The following ASAP2 variants were observed in gnomAD, a reference collection of about 807,000 sequenced individuals.
ASAP2 encodes the protein arf-GAP with SH3 domain, ANK repeat and PH domain-containing protein 2.
ASAP2 carries 45 observed loss-of-function variants against 131.4 expected under a neutral mutation model. The observed-to-expected ratio is 0.34, with a 90% CI of 0.27 to 0.44. The LOEUF (loss-of-function observed/expected upper bound fraction) is 0.44, where lower values mean the gene tolerates loss of function less well. Ranked by LOEUF, ASAP2 falls within the 20% of genes least tolerant of loss-of-function variation. The probability of loss-of-function intolerance (pLI) is 1.00; values close to 1 mark genes in which losing one functional copy is unlikely to be tolerated. For missense variants in ASAP2, 1,011 were observed against 1,297.0 expected, an observed-to-expected ratio of 0.78 and a Z score of 3.39; for synonymous variants, 510 against 503.0, an observed-to-expected ratio of 1.01 and a Z score of -0.19.
intron 2 of ASAP2, among the ~76,000 whole-genome samples, chr2:9,282,954 G>A (rs572575727): frequency 5.9e-5 from 9 of 152,168 alleles, no homozygotes; most frequent in South Asian, 2.1e-4. Flanking sequence ...GTCTGTAAAC[G>A]GACTCCCCCA....
At chr2:9,257,157 C>T (rs986554016) in intron 1 of ASAP2, among the ~76,000 whole-genome samples, 7 of 152,236 alleles carry the variant, frequency 4.6e-5, no homozygotes, top group Non-Finnish European at 1.0e-4. Context: ...ACGTGTCGGG[C>T]ATTCCACTGG....
intron 17 of ASAP2, among the ~76,000 whole-genome samples, chr2:9,375,926 A>C (rs1318611056): frequency 6.6e-6 from 1 of 152,150 alleles, no homozygotes; most frequent in Non-Finnish European, 1.5e-5. Flanking sequence ...AGCTGTCTTG[A>C]GAGGGTGGGC....
chr2:9,359,918 G>A (rs977420345), intron 15 of ASAP2, among the ~76,000 whole-genome samples: 18 of 152,190 alleles, frequency 1.2e-4, no homozygotes, highest in Non-Finnish European at 2.6e-4. Context: ...TTAAAACTAA[G>A]CTAGACTCAC....
intron 24 of ASAP2, 66 bp from the exon 25 acceptor site, chr2:9,399,957 A>G (rs1411350922): frequency 9.2e-6 from 14 of 1,515,590 alleles, no homozygotes; most frequent in Non-Finnish European, 1.3e-5. Context: ...TCTCTGATAA[A>G]AGGGGATGAG....
chr2:9,215,234 CTT>C (rs1324242846), intron 1 of ASAP2, among the ~76,000 whole-genome samples: 2 of 152,160 alleles, frequency 1.3e-5, no homozygotes, highest in East Asian at 1.9e-4. Flanking sequence ...AAAAATCCCT[CTT>C]ATAATCTTAT....
intron 17 of ASAP2, among the ~76,000 whole-genome samples, 161 bp downstream of exon 17, chr2:9,375,105 A>T (rs1294577338): frequency 8.5e-6 from 1 of 117,398 alleles, no homozygotes; most frequent in African/African-American, 5.2e-5. Context: ...CCCCATCTCT[A>T]CAAAAAAAAA....
At chr2:9,372,689 T>G (rs13397193) in intron 16 of ASAP2, among the ~76,000 whole-genome samples, 72 of 152,228 alleles carry the variant, frequency 4.7e-4, no homozygotes, top group African/African-American at 1.7e-3. Context: ...AGATAATGAT[T>G]CACCCACTTA....
In ASAP2 at chr2:9,353,428, G is replaced by A. The variant is rs139071135; in HGVS notation, c.1111+2533G>A. 3.7e-3 allele frequency among the ~76,000 whole-genome samples: 563 copies of A among 152,270 alleles called. 2 individuals carry two copies. The highest frequency in any genetic ancestry group is 6.0e-3 in the Non-Finnish European group (406 of 68,018). ...TAAAAATAGTGCAGTATGGTGACATGTGCCTTTGGTCCCAGCTACTCAGGG... is the reference window on the plus strand; with the variant it reads ...TAAAAATAGTGCAGTATGGTGACATATGCCTTTGGTCCCAGCTACTCAGGG... On this transcript the variant is annotated intron_variant, in intron 12 of 27. Transcript: ENST00000281419.
chr2:9,375,057 C>A, intron 17 of ASAP2, 113 bp downstream of exon 17: 1 of 898,380 alleles, frequency 1.1e-6, no homozygotes, highest in Non-Finnish European at 1.6e-6. Flanking sequence ...ATCCTTTGAG[C>A]TCAGGAGTTT....
chr2:9,402,069 C>T lies in ASAP2; in HGVS notation c.2946+673C>T, dbSNP rs530167968. Among the ~76,000 whole-genome samples the T allele has an allele frequency of 2.2e-4, 34 of 152,334 alleles. 1 individual carries two copies. The South Asian group carries it at 6.8e-3, about 31-fold the overall frequency. On this transcript the variant is annotated intron_variant, in intron 27 of 27. Coordinates refer to ENST00000281419, the MANE Select transcript of ASAP2 (RefSeq NM_003887.3). ...CAGGCTGAGCCCACCACACAGTAGA[C>T]GCAAGTGGCACAGCTCCGCAACTGA...
chr2:9,264,930 G>A (rs762354138), intron 1 of ASAP2, among the ~76,000 whole-genome samples: 3 of 152,174 alleles, frequency 2.0e-5, no homozygotes, highest in African/African-American at 7.2e-5. Context: ...CTTGAGCCCA[G>A]GAGTTTGAGA....
At chr2:9,299,814 A>G (rs1462383480) in intron 3 of ASAP2, among the ~76,000 whole-genome samples, 1 of 152,042 alleles carries the variant, frequency 6.6e-6, no homozygotes, top group Non-Finnish European at 1.5e-5. Flanking sequence ...GTGTGGATAG[A>G]TTATAGCCAG....
At chr2:9,331,768 C>A (rs370995133) in intron 7 of ASAP2, among the ~76,000 whole-genome samples, 13 of 147,674 alleles carry the variant, frequency 8.8e-5, no homozygotes, top group Non-Finnish European at 1.4e-4. Context: ...TTTTTTTTTT[C>A]AAAAAAAATA....
At chr2:9,378,694 G>A (rs189824300) in intron 18 of ASAP2, among the ~76,000 whole-genome samples, 63 of 152,300 alleles carry the variant, frequency 4.1e-4, no homozygotes, top group Admixed American at 9.8e-4. Flanking sequence ...CAACAGGGAT[G>A]CCCCCCTCCC....
intron 1 of ASAP2, among the ~76,000 whole-genome samples, chr2:9,270,842 G>C (rs1666322995): frequency 7.5e-6 from 1 of 133,074 alleles, no homozygotes; most frequent in Non-Finnish European, 1.6e-5. Flanking sequence ...GCCCAGGCTG[G>C]AGTGCAGTGG....
intron 1 of ASAP2, among the ~76,000 whole-genome samples, chr2:9,271,937 A>G (rs1197169625): frequency 6.6e-6 from 1 of 151,766 alleles, no homozygotes; most frequent in East Asian, 1.9e-4. Context: ...TAGGTACCAC[A>G]TTTTCTTTAT....
intron 1 of ASAP2, among the ~76,000 whole-genome samples, chr2:9,270,947 T>G: frequency 6.6e-6 from 1 of 150,842 alleles, no homozygotes; most frequent in East Asian, 1.9e-4. Context: ...TGCCCGCCAC[T>G]ACGCCCGGCT....
intron 15 of ASAP2, among the ~76,000 whole-genome samples, chr2:9,367,645 C>A (rs1374087746): frequency 6.6e-6 from 1 of 151,986 alleles, no homozygotes. Context: ...CCTATAGTCC[C>A]CGCTGCTTGG....
intron 7 of ASAP2, 134 bp downstream of exon 7, chr2:9,328,045 C>T (rs767742671): frequency 1.7e-5 from 10 of 579,446 alleles, no homozygotes; most frequent in African/African-American, 1.2e-4. Flanking sequence ...CTGACTCATG[C>T]GACAACACGG....
Sources: allele counts gnomAD v4.1 joint callset (sites outside exome capture counted in the v4.1 genomes callset), GRCh38; gene constraint gnomAD v4.1.1; transcripts MANE v1.5; gene names NCBI Gene and HGNC (gene_info 2026-07-23, HGNC 2026-07-21).